Variants in RGSL1 observed in about 807,000 individuals in gnomAD.
RGSL1 encodes regulator of G protein signaling like 1.
Under a neutral mutation model 124.7 loss-of-function variants are expected in RGSL1, and 97 were observed. That is an observed-to-expected ratio of 0.78 (90% confidence interval 0.66 to 0.92). The LOEUF is 0.92. Ranked by LOEUF, RGSL1 falls within the 40% of genes least tolerant of loss-of-function variation. RGSL1 has a pLI of 0.00. For synonymous variants in RGSL1, 424 were observed against 438.1 expected, an observed-to-expected ratio of 0.97 and a Z score of 0.40; for missense variants, 1,233 against 1,288.4, an observed-to-expected ratio of 0.96 and a Z score of 0.66.
Position 182,473,954 on chromosome 1 carries a change from G to A in RGSL1, c.843G>A (p.Glu281=), listed in dbSNP as rs371938355. The change falls in exon 6 of 22, where the codon GAG becomes GAA. Residue 281 remains glutamate, a synonymous_variant. Transcript: ENST00000294854. ...ATGCTATTGGTATGCCCCTACAGGA[G>A]ACATGTCCTCAAGAGAAGGTGGTTA... is the stretch of plus-strand genomic sequence containing the variant. ...KPDAIGMPLQ[E]TCPQEKVVIQ... 9.7e-6 allele frequency: 15 copies of A among 1,552,070 alleles called. No individual in the cohort carries two copies. Among genetic ancestry groups the A allele is most frequent in the Non-Finnish European group, 1.3e-5 (15 of 1,147,074 alleles).
intron 4 of RGSL1, chr1:182,460,565 T>C (rs1257656185): frequency 2.3e-6 from 1 of 443,878 alleles, no homozygotes; most frequent in East Asian, 7.0e-5. Flanking sequence ...TCTTACCTAG[T>C]TAATGAAATC....
At chr1:182,522,998 C>T (rs540895632) in intron 10 of RGSL1, among the ~76,000 whole-genome samples, 82 of 151,308 alleles carry the variant, frequency 5.4e-4, no homozygotes, top group Middle Eastern at 3.4e-3. Flanking sequence ...GAATATTTTG[C>T]GTAGAAAAAA....
At chr1:182,502,735 G>A (rs1175260356) in intron 9 of RGSL1, among the ~76,000 whole-genome samples, 2 of 151,552 alleles carry the variant, frequency 1.3e-5, no homozygotes, top group Non-Finnish European at 1.5e-5. Context: ...TTTGGCATGT[G>A]ATGTTTTTAT....
At chr1:182,464,842 T>TCTACAAAG (rs1653150439) in intron 4 of RGSL1, among the ~76,000 whole-genome samples, 1 of 151,974 alleles carries the variant, frequency 6.6e-6, no homozygotes, top group Non-Finnish European at 1.5e-5. Context: ...ATCCCAGAAC[T>TCTACAAAG]CTACAAAGCT....
chr1:182,474,384 C>T lies in RGSL1; in HGVS notation c.1273C>T (p.Arg425Cys), dbSNP rs896098429. 22 of 1,551,874 alleles carry T rather than the reference C, an allele frequency of 1.4e-5. No individual in the cohort carries two copies. Among genetic ancestry groups the T allele is most frequent in the African/African-American group, 6.8e-5 (5 of 73,048 alleles). The change falls in exon 6 of 22, where the codon CGT becomes TGT. Residue 425 changes from arginine to cysteine, a missense_variant. Physicochemically the swap from Arg to Cys is radical, Grantham distance 180. Coordinates refer to ENST00000294854, the MANE Select transcript of RGSL1 (RefSeq NM_001137669.2). ...NNKKNGNAIF[R>C]HLLGDRICEL... The stretch of plus-strand genomic sequence containing the variant: ...CAAAAAGAATGGGAATGCAATCTTT[C>T]GTCACTTGCTGGGTGACAGAATCTG...
chr1:182,530,691 T>G, intron 12 of RGSL1, 99 bp from the exon 13 acceptor site: 2 of 1,327,738 alleles, frequency 1.5e-6, no homozygotes, highest in Non-Finnish European at 2.0e-6. Context: ...CAATTACCAC[T>G]GAGAGTTCCT....
At chr1:182,509,747 C>T (rs1325348225) in intron 9 of RGSL1, among the ~76,000 whole-genome samples, 6 of 134,772 alleles carry the variant, frequency 4.5e-5, no homozygotes, top group Middle Eastern at 4.5e-3. Context: ...CCGGATGGCA[C>T]GGCTGGCCGG....
At chr1:182,555,926 G>T in intron 20 of RGSL1, 98 bp from the exon 21 acceptor site, 1 of 1,119,748 alleles carries the variant, frequency 8.9e-7, no homozygotes, top group South Asian at 1.4e-5. Context: ...TTTGGCTATT[G>T]CCATTCCTAA....
chr1:182,462,501 C>A (rs966007979), intron 4 of RGSL1, among the ~76,000 whole-genome samples: 2 of 151,688 alleles, frequency 1.3e-5, no homozygotes, highest in East Asian at 1.9e-4. Context: ...TTATAACTGC[C>A]CTTTTTTGTT....
chr1:182,559,016 C>T (rs185703500), intron 21 of RGSL1, among the ~76,000 whole-genome samples: 179 of 152,272 alleles, frequency 1.2e-3, no homozygotes, highest in African/African-American at 3.7e-3. Flanking sequence ...GCCTCTGATG[C>T]GATTATTGCC....
chr1:182,488,203 T>C, intron 6 of RGSL1, 82 bp from the exon 7 acceptor site: 1 of 1,343,444 alleles, frequency 7.4e-7, no homozygotes, highest in Non-Finnish European at 1.0e-6. Context: ...CAGCCTACTC[T>C]GCTCCCAGGT....
chr1:182,458,638 A>C (rs1652551475), intron 3 of RGSL1, among the ~76,000 whole-genome samples: 2 of 151,704 alleles, frequency 1.3e-5, no homozygotes, highest in Admixed American at 6.6e-5. Flanking sequence ...TGCCTGGCTA[A>C]TTTTTTGTAT....
chr1:182,491,190 C>A (rs539713494), intron 8 of RGSL1, among the ~76,000 whole-genome samples: 1 of 151,756 alleles, frequency 6.6e-6, no homozygotes, highest in Non-Finnish European at 1.5e-5. Context: ...GCCTAGCCTA[C>A]GTATGGTACT....
intron 9 of RGSL1, among the ~76,000 whole-genome samples, chr1:182,511,327 G>A (rs1558345991): frequency 6.6e-6 from 1 of 152,094 alleles, no homozygotes; most frequent in Non-Finnish European, 1.5e-5. Context: ...ACCATGCCCG[G>A]CTAATTTTGT....
intron 15 of RGSL1, among the ~76,000 whole-genome samples, chr1:182,545,001 T>A (rs1660121422): frequency 6.6e-6 from 1 of 152,102 alleles, no homozygotes; most frequent in Non-Finnish European, 1.5e-5. Flanking sequence ...AACATTCTTA[T>A]TAATAAGTAA....
intron 9 of RGSL1, among the ~76,000 whole-genome samples, chr1:182,500,870 G>A (rs1229433585): frequency 6.6e-6 from 1 of 152,064 alleles, no homozygotes; most frequent in Non-Finnish European, 1.5e-5. Context: ...TGTTTACTAG[G>A]TTTAATAGTA....
Position 182,557,026 on chromosome 1 carries a change from A to G in RGSL1, c.*165+804A>G, listed in dbSNP as rs1036400674. ...TTTATTTCCCAGACTTTTCACAAGGATGAAAAAGGTGATGTTGGAGCAGAA... is the reference window on the plus strand; with the variant it reads ...TTTATTTCCCAGACTTTTCACAAGGGTGAAAAAGGTGATGTTGGAGCAGAA... On this transcript the variant is annotated intron_variant, in intron 21 of 21. Coordinates refer to ENST00000294854, the MANE Select transcript of RGSL1 (RefSeq NM_001137669.2). 5.3e-5 allele frequency among the ~76,000 whole-genome samples: 8 copies of G among 152,278 alleles called. 1 individual carries two copies. The highest frequency in any genetic ancestry group is 1.9e-4 in the East Asian group (1 of 5,192).
chr1:182,501,967 T>C (rs1377535904), intron 9 of RGSL1, among the ~76,000 whole-genome samples: 2 of 152,228 alleles, frequency 1.3e-5, no homozygotes. Flanking sequence ...TAGAAGTTTG[T>C]GCATTTTTTG....
intron 7 of RGSL1, 74 bp from the exon 8 acceptor site, chr1:182,488,904 TGA>T: frequency 2.5e-6 from 3 of 1,189,810 alleles, no homozygotes; most frequent in Non-Finnish European, 2.4e-6. Context: ...CATGGAGCAC[TGA>T]GTTATTACAA....
Sources: allele counts gnomAD v4.1 joint callset (sites outside exome capture counted in the v4.1 genomes callset), GRCh38; gene constraint gnomAD v4.1.1; transcripts MANE v1.5; gene names NCBI Gene and HGNC (gene_info 2026-07-23, HGNC 2026-07-21).